Variants in SUGCT observed in about 807,000 individuals in gnomAD.
The protein encoded by SUGCT is succinyl-CoA:glutarate-CoA transferase, also known as succinyl-CoA:glutarate CoA-transferase.
SUGCT carries 41 observed loss-of-function variants against 55.0 expected under a neutral mutation model. The observed-to-expected ratio is 0.74, with a 90% CI of 0.58 to 0.97. The LOEUF is 0.97. Ranked by LOEUF, SUGCT falls within the 50% of genes least tolerant of loss-of-function variation. SUGCT has a pLI of 0.00. For synonymous variants in SUGCT, 187 were observed against 200.4 expected, an observed-to-expected ratio of 0.93 and a Z score of 0.56; for missense variants, 568 against 547.8, an observed-to-expected ratio of 1.04 and a Z score of -0.37.
intron 11 of SUGCT, among the ~76,000 whole-genome samples, chr7:40,483,320 T>A (rs1463745392): frequency 6.6e-6 from 1 of 152,112 alleles, no homozygotes; most frequent in African/African-American, 2.4e-5. Flanking sequence ...CCTAAAAACT[T>A]CTTCTTCTCT....
intron 8 of SUGCT, among the ~76,000 whole-genome samples, chr7:40,296,599 A>T (rs1794161330): frequency 6.7e-6 from 1 of 149,460 alleles, no homozygotes; most frequent in Non-Finnish European, 1.5e-5. Context: ...GGAGAGAGAC[A>T]GAGTGAGTGA....
chr7:40,695,759 T>C (rs534810946), intron 12 of SUGCT, among the ~76,000 whole-genome samples: 17 of 152,256 alleles, frequency 1.1e-4, no homozygotes, highest in African/African-American at 4.1e-4. Flanking sequence ...GGGGCTGTCT[T>C]GTGCACTATA....
Position 40,443,937 on chromosome 7 carries a change from A to G in SUGCT, c.817-5350A>G, listed in dbSNP as rs200156180. ...AAGGGACCCAGTTTCAGCTTTCTAC[A>G]TATGGCTAGCCAGTTTTCCCAGCAC... On this transcript the variant is annotated intron_variant, in intron 9 of 13. Transcript: ENST00000335693. Among the ~76,000 whole-genome samples the G allele has an allele frequency of 4.7e-4, 71 of 152,326 alleles. No individual in the cohort carries two copies. In the East Asian group the frequency reaches 0.011, roughly 24 times the overall value.
chr7:40,717,318 G>A (rs1236961308), intron 12 of SUGCT, among the ~76,000 whole-genome samples: 1 of 152,188 alleles, frequency 6.6e-6, no homozygotes. Context: ...AGGGGAAAAA[G>A]GAAAACGAAC....
chr7:40,139,148 A>AAATG (rs1373511047), intron 1 of SUGCT, among the ~76,000 whole-genome samples: 35 of 148,298 alleles, frequency 2.4e-4, no homozygotes, highest in Non-Finnish European at 4.9e-4. Flanking sequence ...ATAAATAAAT[A>AAATG]AATAAATAAA....
intron 3 of SUGCT, among the ~76,000 whole-genome samples, chr7:40,182,835 C>G (rs1562558692): frequency 6.6e-6 from 1 of 152,158 alleles, no homozygotes. Context: ...CCCAGCCTAG[C>G]TTTAGCATTG....
At chr7:40,373,555 A>G (rs1368280515) in intron 9 of SUGCT, among the ~76,000 whole-genome samples, 2 of 152,014 alleles carry the variant, frequency 1.3e-5, no homozygotes, top group Non-Finnish European at 2.9e-5. Flanking sequence ...AAGAAGGAAT[A>G]TAGTTCAAAG....
At chr7:40,823,451 C>T (rs773544677) in intron 13 of SUGCT, among the ~76,000 whole-genome samples, 10 of 151,996 alleles carry the variant, frequency 6.6e-5, no homozygotes, top group Admixed American at 1.3e-4. Flanking sequence ...CCTACTATGG[C>T]GATTTCAAAA....
chr7:40,355,426 G>A (rs183552095), intron 9 of SUGCT, among the ~76,000 whole-genome samples: 111 of 152,130 alleles, frequency 7.3e-4, no homozygotes, highest in African/African-American at 2.6e-3. Context: ...AACCTTTTGG[G>A]CAATATTAAC....
intron 12 of SUGCT, among the ~76,000 whole-genome samples, chr7:40,605,852 A>G (rs1798505498): frequency 6.6e-6 from 1 of 152,218 alleles, no homozygotes; most frequent in South Asian, 2.1e-4. Flanking sequence ...AGTAGATGGT[A>G]GAAGAAATGG....
At chr7:40,837,044 A>G (rs889382046) in intron 13 of SUGCT, among the ~76,000 whole-genome samples, 4 of 152,180 alleles carry the variant, frequency 2.6e-5, no homozygotes, top group South Asian at 2.1e-4. Context: ...GAAAAATTTT[A>G]TATCCCCAAC....
chr7:40,468,922 A>G (rs1174062979), intron 11 of SUGCT, among the ~76,000 whole-genome samples: 3 of 152,150 alleles, frequency 2.0e-5, no homozygotes. Flanking sequence ...CAAAATGAGA[A>G]GCTGAGAGCA....
intron 12 of SUGCT, among the ~76,000 whole-genome samples, chr7:40,556,992 C>G (rs1795591884): frequency 6.6e-6 from 1 of 152,100 alleles, no homozygotes; most frequent in Admixed American, 6.5e-5. Flanking sequence ...GTGTTTTTTA[C>G]AGAAATAAAA....
At chr7:40,652,322 G>T (rs1230375416) in intron 12 of SUGCT, among the ~76,000 whole-genome samples, 1 of 152,062 alleles carries the variant, frequency 6.6e-6, no homozygotes, top group Middle Eastern at 3.2e-3. Context: ...AAATTATAGT[G>T]CACCTCTATT....
At chr7:40,173,722 A>C (rs1019756151) in intron 1 of SUGCT, among the ~76,000 whole-genome samples, 1 of 152,024 alleles carries the variant, frequency 6.6e-6, no homozygotes, top group Admixed American at 6.6e-5. Flanking sequence ...AGTCTTAGGA[A>C]TTCTTAGTTG....
intron 13 of SUGCT, among the ~76,000 whole-genome samples, chr7:40,766,291 A>G (rs1392473259): frequency 6.6e-6 from 1 of 152,026 alleles, no homozygotes; most frequent in Non-Finnish European, 1.5e-5. Flanking sequence ...GCTCGCTGGA[A>G]CCTCTGCCTC....
intron 12 of SUGCT, among the ~76,000 whole-genome samples, chr7:40,603,179 T>C (rs1308632870): frequency 2.0e-5 from 3 of 152,186 alleles, no homozygotes; most frequent in African/African-American, 7.2e-5. Context: ...ATAGAAAATA[T>C]GTTGATTTAA....
intron 12 of SUGCT, among the ~76,000 whole-genome samples, chr7:40,563,652 T>C (rs1795968137): frequency 6.6e-6 from 1 of 151,760 alleles, no homozygotes; most frequent in Non-Finnish European, 1.5e-5. Context: ...AGATCAAGGC[T>C]GCAATGAGCC....
intron 12 of SUGCT, among the ~76,000 whole-genome samples, chr7:40,692,553 A>T (rs1400041041): frequency 6.6e-6 from 1 of 152,176 alleles, no homozygotes; most frequent in Middle Eastern, 3.2e-3. Flanking sequence ...GTGAAACTGG[A>T]TGAGAAAATT....
Sources: gnomAD v4.1 joint callset for allele counts (sites outside exome capture counted in the v4.1 genomes callset) on GRCh38, gnomAD v4.1.1 for gene constraint, MANE v1.5 for transcripts, NCBI Gene and HGNC (gene_info 2026-07-23, HGNC 2026-07-21) for gene names.